ATP6V1H: variants seen among roughly 807,000 people sequenced by gnomAD.
The protein encoded by ATP6V1H is ATPase H+ transporting V1 subunit H.
ATP6V1H carries 39 observed loss-of-function variants against 71.7 expected under a neutral mutation model. That is an observed-to-expected ratio of 0.54 (90% confidence interval 0.42 to 0.71). The LOEUF (loss-of-function observed/expected upper bound fraction) is 0.71. ATP6V1H is among the 30% of genes least tolerant of loss of function. The probability of loss-of-function intolerance (pLI) is 0.00; values close to 1 mark genes in which losing one functional copy is unlikely to be tolerated. For missense variants in ATP6V1H, 509 were observed against 594.9 expected, an observed-to-expected ratio of 0.86 and a Z score of 1.50; for synonymous variants, 192 against 199.3, an observed-to-expected ratio of 0.96 and a Z score of 0.31.
At chr8:53,841,870 CATT>C (rs1402536437) in intron 1 of ATP6V1H, 145 bp from the exon 2 acceptor site, 3 of 755,638 alleles carry the variant, frequency 4.0e-6, no homozygotes, top group Non-Finnish European at 5.8e-6. Flanking sequence ...CTGAAAGTAT[CATT>C]ATATTTCAAA....
At chr8:53,748,164 A>C (rs1370926163) in intron 12 of ATP6V1H, among the ~76,000 whole-genome samples, 1 of 147,516 alleles carries the variant, frequency 6.8e-6, no homozygotes. Flanking sequence ...TCTCAAAAAC[A>C]AAAAAAAAAG....
chr8:53,745,520 T>C (rs575238276), intron 12 of ATP6V1H, among the ~76,000 whole-genome samples: 1 of 152,304 alleles, frequency 6.6e-6, no homozygotes, highest in African/African-American at 2.4e-5. Context: ...AGGCTGCTTG[T>C]TCTCTAGACT....
chr8:53,769,800 T>G (rs199934417), intron 10 of ATP6V1H, 57 bp from the exon 11 acceptor site: 1 of 1,438,342 alleles, frequency 7.0e-7, no homozygotes, highest in Non-Finnish European at 9.4e-7. Context: ...TACTCCAAAA[T>G]TAAGCAAAAT....
intron 9 of ATP6V1H, among the ~76,000 whole-genome samples, chr8:53,772,903 C>CAAAAAAAAAA (rs201949406): frequency 1.5e-3 from 89 of 58,854 alleles, no homozygotes; most frequent in Non-Finnish European, 2.2e-3. Context: ...CTATCAAATG[C>CAAAAAAAAAA]AAAAAAAAAA....
Position 53,810,267 on chromosome 8 carries a change from A to T in ATP6V1H, c.579+897T>A, listed in dbSNP as rs182748725. The stretch of plus-strand genomic sequence containing the variant: ...TTCTATCAACTGGCTCTCATCATGA[A>T]CATCGTTAACTTGTCCAAACTTACT... On this transcript the variant is annotated intron_variant, in intron 7 of 13. Transcript: ENST00000359530. 2.2e-3 allele frequency among the ~76,000 whole-genome samples: 339 copies of T among 152,348 alleles called. 2 individuals are homozygous for T. Among genetic ancestry groups the T allele is most frequent in the African/African-American group, 7.9e-3 (328 of 41,588 alleles).
intron 3 of ATP6V1H, 71 bp downstream of exon 3, chr8:53,832,913 T>C (rs913378002): frequency 4.9e-6 from 5 of 1,018,862 alleles, no homozygotes; most frequent in East Asian, 2.5e-5. Flanking sequence ...AAGTCACTTA[T>C]AATCACTAAG....
chr8:53,817,544 G>T lies in ATP6V1H; in HGVS notation c.307-14C>A, dbSNP rs368773142. 50 of 1,528,364 alleles carry T rather than the reference G, an allele frequency of 3.3e-5. No individual in the cohort carries two copies. The African/African-American group carries it at 6.3e-4, about 19-fold the overall frequency. 94.7% of individuals were successfully genotyped at this position (1,528,364 alleles called of 1,614,324 possible). A position where few individuals can be genotyped will look rare whatever the true frequency, so the allele number is the denominator to read the frequency against. ...CTGATGATTTTCCTAAAAAAGAAAA[G>T]AAATGATATCACCAGTCAGAACACA... is the stretch of plus-strand genomic sequence containing the variant. On this transcript the variant is annotated splice_polypyrimidine_tract_variant and intron_variant, in intron 4 of 13. Transcript: ENST00000359530.
chr8:53,777,725 C>A (rs1481950), intron 9 of ATP6V1H, among the ~76,000 whole-genome samples: 146,082 of 152,268 alleles, frequency 0.96, 70,122 homozygotes, highest in East Asian at 1. Flanking sequence ...TCATTAAAAA[C>A]CATAAACAAA....
intron 13 of ATP6V1H, among the ~76,000 whole-genome samples, chr8:53,729,244 C>T (rs1369987866): frequency 1.3e-5 from 2 of 151,650 alleles, no homozygotes; most frequent in Admixed American, 6.6e-5. Flanking sequence ...GATGACCAGA[C>T]CAGAAAAAAG....
intron 4 of ATP6V1H, among the ~76,000 whole-genome samples, chr8:53,819,670 ATACATATG>A (rs1810582176): frequency 7.5e-6 from 1 of 133,182 alleles, no homozygotes; most frequent in African/African-American, 3.0e-5. Flanking sequence ...ATATACATAT[ATACATATG>A]TATATACAAA....
At chr8:53,731,481 T>C (rs1025096189) in intron 13 of ATP6V1H, among the ~76,000 whole-genome samples, 6 of 152,192 alleles carry the variant, frequency 3.9e-5, no homozygotes, top group African/African-American at 7.2e-5. Flanking sequence ...TAAGGAAGCA[T>C]TGTGAAGCTT....
chr8:53,790,422 A>G (rs1462307638), intron 9 of ATP6V1H, among the ~76,000 whole-genome samples: 3 of 152,142 alleles, frequency 2.0e-5, no homozygotes, highest in Non-Finnish European at 4.4e-5. Context: ...CAACCACCCC[A>G]CGACCAGCCC....
chr8:53,819,564 AT>A (rs1810567728), intron 4 of ATP6V1H, among the ~76,000 whole-genome samples: 1 of 126,672 alleles, frequency 7.9e-6, no homozygotes, highest in Admixed American at 7.8e-5. Flanking sequence ...ATATATATAT[AT>A]ATATATATAT....
intron 2 of ATP6V1H, among the ~76,000 whole-genome samples, chr8:53,839,388 C>T (rs1317625419): frequency 6.6e-6 from 1 of 152,146 alleles, no homozygotes; most frequent in African/African-American, 2.4e-5. Context: ...TACACAAACA[C>T]TGATGAACAG....
chr8:53,775,589 A>G (rs964604438), intron 9 of ATP6V1H, among the ~76,000 whole-genome samples: 3 of 152,206 alleles, frequency 2.0e-5, no homozygotes, highest in Non-Finnish European at 4.4e-5. Flanking sequence ...AGCTAGATAC[A>G]GAGTGTCGAT....
intron 6 of ATP6V1H, among the ~76,000 whole-genome samples, chr8:53,813,837 G>A (rs889436716): frequency 5.9e-5 from 9 of 152,188 alleles, no homozygotes; most frequent in South Asian, 2.1e-4. Context: ...CAGTAGGTTC[G>A]TTAGGCCTAA....
intron 12 of ATP6V1H, among the ~76,000 whole-genome samples, chr8:53,755,706 AT>A (rs1808001827): frequency 3.7e-4 from 1 of 2,678 alleles, no homozygotes; most frequent in African/African-American, 2.3e-3. Flanking sequence ...ATATATATAT[AT>A]ATATATATAT....
intron 9 of ATP6V1H, among the ~76,000 whole-genome samples, chr8:53,794,305 T>G (rs906372381): frequency 5.3e-5 from 8 of 152,240 alleles, no homozygotes; most frequent in African/African-American, 1.7e-4. Flanking sequence ...AGTAACTATA[T>G]TTGGCAAATG....
At chr8:53,796,400 T>G (rs1435284046) in intron 8 of ATP6V1H, among the ~76,000 whole-genome samples, 1 of 151,714 alleles carries the variant, frequency 6.6e-6, no homozygotes, top group East Asian at 1.9e-4. Flanking sequence ...GAAAATGACA[T>G]GGACATGAAG....
Sources: gnomAD v4.1 joint callset for allele counts (sites outside exome capture counted in the v4.1 genomes callset) on GRCh38, gnomAD v4.1.1 for gene constraint, MANE v1.5 for transcripts, NCBI Gene and HGNC (gene_info 2026-07-23, HGNC 2026-07-21) for gene names.